EXTL3: variants seen among roughly 807,000 people sequenced by gnomAD.
EXTL3 encodes exostosin like glycosyltransferase 3, also known as exostosin-like 3.
In EXTL3, 27 loss-of-function variants were observed where a neutral mutation model predicts 69.3. The observed-to-expected ratio is 0.39, with a 90% CI of 0.29 to 0.54. EXTL3 has a LOEUF of 0.54. Among genes scored for constraint, EXTL3 ranks in the 20% least tolerant of loss-of-function variants. EXTL3 has a pLI of 0.69. For missense variants in EXTL3, 1,003 were observed against 1,231.8 expected, an observed-to-expected ratio of 0.81 and a Z score of 2.78; for synonymous variants, 511 against 499.4, an observed-to-expected ratio of 1.02 and a Z score of -0.31.
upstream of EXTL3, among the ~76,000 whole-genome samples, chr8:28,618,552 G>A (rs946783818): frequency 2.0e-5 from 3 of 152,166 alleles, no homozygotes; most frequent in Non-Finnish European, 2.9e-5. Flanking sequence ...GAAGCCTCAC[G>A]TCCGGCACGA....
chr8:28,706,820 T>G (rs1800933004), intron 1 of EXTL3, among the ~76,000 whole-genome samples: 1 of 150,906 alleles, frequency 6.6e-6, no homozygotes, highest in South Asian at 2.1e-4. Flanking sequence ...GGCTTCCCCA[T>G]TTTTAATCAA....
intron 1 of EXTL3, among the ~76,000 whole-genome samples, chr8:28,670,588 C>G (rs116499679): frequency 1.3e-5 from 2 of 152,106 alleles, no homozygotes; most frequent in African/African-American, 4.8e-5. Flanking sequence ...AAGGAAGAAG[C>G]GATGTCTCAG....
At chr8:28,669,079 G>C (rs982066780) in intron 1 of EXTL3, among the ~76,000 whole-genome samples, 1 of 151,974 alleles carries the variant, frequency 6.6e-6, no homozygotes, top group Non-Finnish European at 1.5e-5. Context: ...GGCCAGGCTG[G>C]TCTCAAACTC....
At chr8:28,665,416 CT>C (rs34069791) in intron 1 of EXTL3, among the ~76,000 whole-genome samples, 2,826 of 115,386 alleles carry the variant, frequency 0.024, 80 homozygotes, top group African/African-American at 0.084. Flanking sequence ...CACTTGTTTA[CT>C]TTTTTTTTTT....
At chr8:28,666,913 C>T (rs1242107117) in intron 1 of EXTL3, among the ~76,000 whole-genome samples, 1 of 152,184 alleles carries the variant, frequency 6.6e-6, no homozygotes, top group Non-Finnish European at 1.5e-5. Context: ...CCAGTCCTCT[C>T]CTCCTGCCTT....
At chr8:28,671,942 C>CT (rs1807301308) in intron 1 of EXTL3, among the ~76,000 whole-genome samples, 1 of 152,126 alleles carries the variant, frequency 6.6e-6, no homozygotes, top group Non-Finnish European at 1.5e-5. Context: ...GAGTTTGAGA[C>CT]AAGGCTGGGT....
At chr8:28,698,413 G>A (rs1302886425), upstream of EXTL3, 4 of 152,224 alleles carry the variant, frequency 2.6e-5, no homozygotes, top group Non-Finnish European at 2.9e-5. Flanking sequence ...ATGCTCTGTG[G>A]TGTTGGACAC....
chr8:28,710,215 C>A, intron 1 of EXTL3: 2 of 260,028 alleles, frequency 7.7e-6, no homozygotes, highest in Non-Finnish European at 1.5e-5. Flanking sequence ...TGTTGCTGAC[C>A]ACTGGAAAAA....
chr8:28,627,137 A>T (rs907809918), intron 1 of EXTL3, among the ~76,000 whole-genome samples: 2 of 151,894 alleles, frequency 1.3e-5, no homozygotes, highest in South Asian at 4.2e-4. Context: ...AGCCAGAGCC[A>T]GGATTACGCC....
chr8:28,676,814 C>G (rs1324372093), intron 1 of EXTL3, among the ~76,000 whole-genome samples: 1 of 152,138 alleles, frequency 6.6e-6, no homozygotes, highest in East Asian at 1.9e-4. Context: ...CCCCCGTGTG[C>G]CTAAGCATCA....
upstream of EXTL3, among the ~76,000 whole-genome samples, chr8:28,619,759 A>ATC (rs1359971871): frequency 1.4e-5 from 2 of 147,704 alleles, no homozygotes; most frequent in African/African-American, 2.5e-5. Flanking sequence ...CAGCACAGGC[A>ATC]TCTGCAGACA....
upstream of EXTL3, among the ~76,000 whole-genome samples, chr8:28,619,178 A>T (rs1413974075): frequency 1.4e-5 from 2 of 145,736 alleles, no homozygotes; most frequent in African/African-American, 5.0e-5. Flanking sequence ...CCCTGCTCTA[A>T]CAGGAGACCA....
In EXTL3 at chr8:28,716,007, A is replaced by G. The variant is rs1438799009; in HGVS notation, c.-53A>G. 3 of 1,464,524 alleles carry G rather than the reference A, an allele frequency of 2.0e-6. No individual in the cohort carries two copies. The highest frequency in any genetic ancestry group is 1.4e-5 in the African/African-American group (1 of 72,432). The allele number at this position is 1,464,524 out of a possible 1,614,324, so 90.7% of individuals were successfully genotyped here. A position where few individuals can be genotyped will look rare whatever the true frequency, so the allele number is the denominator to read the frequency against. On this transcript the variant is annotated 5_prime_UTR_variant, in exon 3 of 7. The change abolishes an upstream ATG in the 5' untranslated region. Coordinates refer to ENST00000220562, the MANE Select transcript of EXTL3 (RefSeq NM_001440.4). This position sits in a 1 kb window ranked among gnomAD's most constrained non-coding sequence, Gnocchi z 7.1. ...AGATCGTTTTGTGGAATAGCAACCC[A>G]TGGTTATGGCGAGTGACCCGACGTG...
chr8:28,755,751 AAAT>A (rs1357945059), downstream of EXTL3, among the ~76,000 whole-genome samples: 1 of 152,164 alleles, frequency 6.6e-6, no homozygotes, highest in Non-Finnish European at 1.5e-5. Context: ...CGTCTCATAA[AAAT>A]AAAAAAAAAG....
At chr8:28,709,916 G>A (rs1012863390) in intron 1 of EXTL3, among the ~76,000 whole-genome samples, 7 of 152,138 alleles carry the variant, frequency 4.6e-5, no homozygotes, top group Admixed American at 3.3e-4. Context: ...TCAGCCCACC[G>A]CTCAGACTCT....
At chr8:28,715,311 GC>G (rs1801118238) in intron 2 of EXTL3, among the ~76,000 whole-genome samples, 1 of 152,212 alleles carries the variant, frequency 6.6e-6, no homozygotes. Flanking sequence ...GTGTTACAGG[GC>G]TATAATGCCG....
At chr8:28,619,311 A>AAAAAAAAAAAAAAAAAAAAC (rs1478312916), upstream of EXTL3, among the ~76,000 whole-genome samples, 3 of 121,472 alleles carry the variant, frequency 2.5e-5, no homozygotes, top group Admixed American at 8.9e-5. Flanking sequence ...AAAAAAAAAA[A>AAAAAAAAAAAAAAAAAAAAC]AAAACCCTGT....
intron 1 of EXTL3, among the ~76,000 whole-genome samples, chr8:28,692,936 C>T (rs974607717): frequency 6.6e-6 from 1 of 152,078 alleles, no homozygotes; most frequent in Non-Finnish European, 1.5e-5. Context: ...ACAGTCAGAC[C>T]ATGTTGTGAC....
At chr8:28,740,512 G>C (rs1342907560) in intron 5 of EXTL3, 1 of 152,186 alleles carries the variant, frequency 6.6e-6, no homozygotes, top group African/African-American at 2.4e-5. Flanking sequence ...TTGAACTCCT[G>C]ACCTCATGAT....
Sources: gnomAD v4.1 joint callset for allele counts (sites outside exome capture counted in the v4.1 genomes callset) on GRCh38, gnomAD v4.1.1 for gene constraint, Gnocchi (gnomAD v3.1) non-coding constraint, MANE v1.5 for transcripts, NCBI Gene and HGNC (gene_info 2026-07-23, HGNC 2026-07-21) for gene names.